Variants in SV2C observed in about 807,000 individuals in gnomAD.
SV2C encodes solute carrier family 22 member B3.
In SV2C, 49 loss-of-function variants were observed where a neutral mutation model predicts 79.7. The ratio of observed to expected loss-of-function variants is 0.61; its 90% CI spans 0.49 to 0.78. The LOEUF (loss-of-function observed/expected upper bound fraction) is 0.78. SV2C is among the 30% of genes least tolerant of loss of function. SV2C has a pLI of 0.00. For missense variants in SV2C, 833 were observed against 912.9 expected, an observed-to-expected ratio of 0.91 and a Z score of 1.13; for synonymous variants, 334 against 333.2, an observed-to-expected ratio of 1.00 and a Z score of -0.03.
intron 1 of SV2C, among the ~76,000 whole-genome samples, chr5:76,124,349 A>G (rs766315302): frequency 6.6e-6 from 1 of 152,196 alleles, no homozygotes; most frequent in Non-Finnish European, 1.5e-5. Context: ...TCTCATATAA[A>G]TAGAATCATA....
At chr5:76,092,621 A>G (rs1747415852) in intron 1 of SV2C, among the ~76,000 whole-genome samples, 1 of 152,138 alleles carries the variant, frequency 6.6e-6, no homozygotes, top group Non-Finnish European at 1.5e-5. Flanking sequence ...TAGCTGTCAA[A>G]AGCCTGTATT....
the SV2C span, among the ~76,000 whole-genome samples, chr5:75,968,105 G>C: frequency 6.6e-6 from 1 of 152,246 alleles, no homozygotes; most frequent in Non-Finnish European, 1.5e-5. Context: ...ACCTGCAGCT[G>C]AGGGTCCTGA....
At chr5:75,910,064 A>G in the SV2C span, among the ~76,000 whole-genome samples, 1 of 152,186 alleles carries the variant, frequency 6.6e-6, no homozygotes. Flanking sequence ...CTCCATAAAT[A>G]CTTGTGGGAT....
intron 4 of SV2C, among the ~76,000 whole-genome samples, chr5:76,268,089 C>T (rs6865629): frequency 0.85 from 129,368 of 152,166 alleles, 55,348 homozygotes; most frequent in Middle Eastern, 0.95. Flanking sequence ...CTGAGCTGGA[C>T]TGGGGAGCCC....
At chr5:76,173,068 C>T (rs1159984631) in intron 2 of SV2C, among the ~76,000 whole-genome samples, 1 of 131,000 alleles carries the variant, frequency 7.6e-6, no homozygotes, top group Non-Finnish European at 1.7e-5. Flanking sequence ...AAAAAAAATA[C>T]AAAAAAAAAA....
At chr5:76,125,694 C>G (rs966352602) in intron 1 of SV2C, among the ~76,000 whole-genome samples, 1 of 152,116 alleles carries the variant, frequency 6.6e-6, no homozygotes, top group Admixed American at 6.5e-5. Flanking sequence ...GACTACTGAT[C>G]CAGACAACTG....
intron 12 of SV2C, among the ~76,000 whole-genome samples, chr5:76,321,120 C>T (rs548851189): frequency 2.0e-5 from 3 of 152,158 alleles, no homozygotes; most frequent in East Asian, 1.9e-4. Flanking sequence ...ATAAATATCT[C>T]GGTTATGAAG....
chr5:75,885,278 A>G, the SV2C span, among the ~76,000 whole-genome samples: 5 of 152,128 alleles, frequency 3.3e-5, no homozygotes, highest in Non-Finnish European at 7.4e-5. Context: ...ATAATATTTT[A>G]TTAGCCTCTG....
chr5:76,276,579 C>T (rs1034869208), intron 4 of SV2C, among the ~76,000 whole-genome samples: 4 of 151,950 alleles, frequency 2.6e-5, no homozygotes, highest in African/African-American at 9.7e-5. Context: ...CCACCCACTT[C>T]AGCCTCCCAA....
chr5:76,229,554 C>G (rs1311320769), intron 4 of SV2C, among the ~76,000 whole-genome samples: 1 of 152,220 alleles, frequency 6.6e-6, no homozygotes, highest in East Asian at 1.9e-4. Flanking sequence ...CTCACCTGTA[C>G]ATAAGTTCTT....
At position 76,132,071 on chromosome 5, in the gene SV2C, G is replaced by C. The variant is rs908074475; in HGVS notation, c.321G>C (p.Val107=). 3 of 1,612,338 alleles carry C rather than the reference G, an allele frequency of 1.9e-6. No homozygotes were observed. In the African/African-American group the frequency reaches 4.0e-5, roughly 22 times the overall value. The change falls in exon 2 of 13, where the codon GTG becomes GTC. Residue 107 remains valine (V), a synonymous_variant. Transcript: ENST00000502798. ...TGAACCAAGCGAAGGACAGCATCGT[G>C]TCAGTGGGGCAGCCCAAGGGCGATG... ...PSMNQAKDSI[V]SVGQPKGDEY... is the part of the protein sequence containing the mutation.
chr5:75,865,934 A>T, the SV2C span, among the ~76,000 whole-genome samples: 1 of 152,288 alleles, frequency 6.6e-6, no homozygotes, highest in African/African-American at 2.4e-5. Flanking sequence ...TGGAGCCTGC[A>T]CATGTGCCCT....
intron 2 of SV2C, among the ~76,000 whole-genome samples, chr5:76,160,723 C>T (rs1380319542): frequency 6.6e-6 from 1 of 152,126 alleles, no homozygotes; most frequent in Non-Finnish European, 1.5e-5. Context: ...TGGCAAAGGA[C>T]TTGAATAGAC....
the SV2C span, chr5:75,910,777 T>A: frequency 3.0e-6 from 4 of 1,344,870 alleles, no homozygotes; most frequent in Non-Finnish European, 4.2e-6. Flanking sequence ...TTTATAACAG[T>A]CATGTTGGCT....
intron 1 of SV2C, among the ~76,000 whole-genome samples, chr5:76,127,738 C>G (rs955938741): frequency 2.0e-5 from 3 of 152,156 alleles, no homozygotes; most frequent in Non-Finnish European, 2.9e-5. Context: ...GAACAGGAAG[C>G]TCCTACATTC....
At chr5:76,033,324 T>C in the SV2C span, among the ~76,000 whole-genome samples, 1,279 of 152,262 alleles carry the variant, frequency 8.4e-3, 7 homozygotes, top group Non-Finnish European at 0.014. Context: ...TCCTTGCCCA[T>C]GCCTATGTCC....
the SV2C span, among the ~76,000 whole-genome samples, chr5:75,943,100 G>A: frequency 1.3e-5 from 2 of 152,164 alleles, no homozygotes; most frequent in Admixed American, 6.6e-5. Flanking sequence ...CATTAGTGTA[G>A]CATTAAGCAC....
rs546017082 is a variant in SV2C, at chr5:76,257,643, G to A, written c.914-27519G>A. On this transcript the variant is annotated intron_variant, in intron 4 of 12. Transcript: ENST00000502798. ...AGTGTGTGTGGGTGTGGGTATGTAGGTGTAGTGTGCATGGAAGTGTGGCGT... is the reference window on the plus strand; with the variant it reads ...AGTGTGTGTGGGTGTGGGTATGTAGATGTAGTGTGCATGGAAGTGTGGCGT... Among the ~76,000 whole-genome samples, 3 of 150,912 alleles carry A rather than the reference G, an allele frequency of 2.0e-5. No individual in the cohort carries two copies. The South Asian group carries it at 6.3e-4, about 32-fold the overall frequency.
chr5:75,891,951 C>A, the SV2C span, among the ~76,000 whole-genome samples: 1 of 152,076 alleles, frequency 6.6e-6, no homozygotes, highest in Non-Finnish European at 1.5e-5. Flanking sequence ...AGCTTAGGGC[C>A]AGATAAACCC....
Sources: allele counts gnomAD v4.1 joint callset (sites outside exome capture counted in the v4.1 genomes callset), GRCh38; gene constraint gnomAD v4.1.1; transcripts MANE v1.5; gene names NCBI Gene and HGNC (gene_info 2026-07-23, HGNC 2026-07-21).